Variants in CNTN4 observed in about 807,000 individuals in gnomAD.
The protein encoded by CNTN4 is contactin-4.
A neutral mutation model predicts 122.5 loss-of-function variants in CNTN4; 77 were observed. That is an observed-to-expected ratio of 0.63 (90% CI 0.52 to 0.76). The LOEUF is 0.76. Among genes scored for constraint, CNTN4 ranks in the 30% least tolerant of loss-of-function variants. The pLI, the probability that CNTN4 is intolerant of heterozygous loss-of-function variation, is 0.00. For synonymous variants in CNTN4, 512 were observed against 447.0 expected, an observed-to-expected ratio of 1.15 and a Z score of -1.83; for missense variants, 1,256 against 1,259.1, an observed-to-expected ratio of 1.00 and a Z score of 0.04.
At chr3:2,485,790 G>T (rs534382972) in intron 3 of CNTN4, among the ~76,000 whole-genome samples, 4 of 152,114 alleles carry the variant, frequency 2.6e-5, no homozygotes, top group Non-Finnish European at 5.9e-5. Flanking sequence ...GTGGGTACTT[G>T]GAGAACTTTT....
rs747326741 is a variant in CNTN4 at position 2,340,710 on chromosome 3, T to TAGAGAGAGAGAGAG, written c.-89+1494_-89+1507dup. 2.9e-3 allele frequency among the ~76,000 whole-genome samples: 53 copies of TAGAGAGAGAGAGAG among 18,258 alleles called. 1 individual carries two copies. The highest frequency in any genetic ancestry group is 5.1e-3 in the Non-Finnish European group (31 of 6,136). The allele number at this position is 18,258 out of a possible 152,430, so 12.0% of individuals were successfully genotyped here. On this transcript the variant is annotated intron_variant, in intron 3 of 24. Coordinates refer to ENST00000418658, the MANE Select transcript of CNTN4 (RefSeq NM_175607.3). ...TTATATATATATATATATATATATA[T>TAGAGAGAGAGAGAG]AGAGAGAGAGAGAGAGAGAGAGAGA... is the stretch of plus-strand genomic sequence containing the variant.
intron 3 of CNTN4, among the ~76,000 whole-genome samples, chr3:2,470,577 G>A (rs540880172): frequency 1.3e-5 from 2 of 151,990 alleles, no homozygotes; most frequent in South Asian, 4.2e-4. Context: ...TCTTAATATT[G>A]TGACCTTTTT....
chr3:2,537,212 A>C (rs910908528), intron 3 of CNTN4, among the ~76,000 whole-genome samples: 2 of 152,146 alleles, frequency 1.3e-5, no homozygotes, highest in East Asian at 3.9e-4. Flanking sequence ...ATGAAGTCAC[A>C]CAGACAGTTG....
intron 2 of CNTN4, among the ~76,000 whole-genome samples, chr3:2,191,998 T>G (rs919481996): frequency 1.3e-5 from 2 of 152,012 alleles, no homozygotes; most frequent in Non-Finnish European, 2.9e-5. Context: ...TTTGTCCTTG[T>G]GATGGTTTGC....
At chr3:2,447,130 CT>C (rs1385334934) in intron 3 of CNTN4, among the ~76,000 whole-genome samples, 1 of 152,000 alleles carries the variant, frequency 6.6e-6, no homozygotes, top group Admixed American at 6.6e-5. Context: ...TTCTTTTTTT[CT>C]CCCAGTCAAC....
chr3:2,644,737 G>A (rs1311050990), intron 4 of CNTN4, among the ~76,000 whole-genome samples: 1 of 147,004 alleles, frequency 6.8e-6, no homozygotes, highest in Non-Finnish European at 1.5e-5. Context: ...CTGAAAATGG[G>A]CGCAGGCTTT....
At chr3:2,380,142 A>C (rs775874562) in intron 3 of CNTN4, among the ~76,000 whole-genome samples, 10 of 151,700 alleles carry the variant, frequency 6.6e-5, no homozygotes, top group Non-Finnish European at 1.0e-4. Context: ...AATAACTTTG[A>C]TCATCTGAAA....
intron 4 of CNTN4, chr3:2,735,913 A>G (rs781472938): frequency 1.3e-5 from 7 of 521,698 alleles, no homozygotes; most frequent in Non-Finnish European, 2.6e-5. Context: ...GGGGTAGGCT[A>G]AAGACAAGCA....
chr3:2,690,746 G>A (rs76200655), intron 4 of CNTN4, among the ~76,000 whole-genome samples: 2,552 of 152,158 alleles, frequency 0.017, 86 homozygotes, highest in African/African-American at 0.059. Context: ...AAAATCAAAA[G>A]GAGAATATTA....
rs565027244 is a variant in CNTN4 at position 2,755,964 on chromosome 3, T to C, written c.358+10267T>C. ...CAGTCAACAAATATTAAAATAATTC[T>C]GATCATTTTTAAGTTTAATTTTTAG... On this transcript the variant is annotated intron_variant, in intron 6 of 24. Coordinates refer to ENST00000418658, the MANE Select transcript of CNTN4 (RefSeq NM_175607.3). Among the ~76,000 whole-genome samples the C allele has an allele frequency of 5.9e-5, 9 of 152,360 alleles. No homozygotes were observed. In the South Asian group the frequency reaches 1.7e-3, roughly 28 times the overall value.
chr3:2,451,667 T>C (rs6762278), intron 3 of CNTN4, among the ~76,000 whole-genome samples: 37,407 of 152,080 alleles, frequency 0.25, 5,562 homozygotes, highest in Non-Finnish European at 0.35. Flanking sequence ...ATCATTTTCA[T>C]GCAACATATT....
intron 3 of CNTN4, among the ~76,000 whole-genome samples, chr3:2,570,718 G>A (rs2079385733): frequency 6.6e-6 from 1 of 152,004 alleles, no homozygotes; most frequent in Admixed American, 6.6e-5. Flanking sequence ...TGTAGCTTTT[G>A]GTAAAGGTAA....
At chr3:2,980,983 G>A (rs1266465080) in intron 13 of CNTN4, among the ~76,000 whole-genome samples, 1 of 152,124 alleles carries the variant, frequency 6.6e-6, no homozygotes, top group Admixed American at 6.5e-5. Flanking sequence ...AGGGACGATG[G>A]AGCCACTATT....
At position 3,026,285 on chromosome 3, in the gene CNTN4, T is replaced by G; in HGVS notation, c.1662+8T>G. ...TTTGAAAGAGTTGGAGGGGTAAGTATTAATAGCAAAAACTGACTCAAACTA... is the reference window on the plus strand; with the variant it reads ...TTTGAAAGAGTTGGAGGGGTAAGTAGTAATAGCAAAAACTGACTCAAACTA... On this transcript the variant is annotated splice_region_variant and intron_variant, in intron 15 of 24. Transcript: ENST00000418658. 2 of 1,612,090 alleles carry G rather than the reference T, an allele frequency of 1.2e-6. No homozygotes were observed. The highest frequency in any genetic ancestry group is 1.7e-6 in the Non-Finnish European group (2 of 1,178,350).
chr3:2,952,060 C>A (rs2124859298), intron 13 of CNTN4, among the ~76,000 whole-genome samples: 1 of 152,336 alleles, frequency 6.6e-6, no homozygotes. Context: ...TACCCCTGGC[C>A]TGAGGCCCCA....
chr3:3,045,970 A>G (rs923909851), intron 23 of CNTN4, among the ~76,000 whole-genome samples: 3 of 152,236 alleles, frequency 2.0e-5, no homozygotes, highest in Non-Finnish European at 4.4e-5. Flanking sequence ...CACGAGAACT[A>G]CATGACGAAG....
chr3:3,024,251 G>A (rs7633830), intron 14 of CNTN4, among the ~76,000 whole-genome samples: 14,742 of 151,740 alleles, frequency 0.097, 744 homozygotes, highest in African/African-American at 0.14. Flanking sequence ...TTTTAGCCTG[G>A]GATCTGTTTC....
intron 3 of CNTN4, among the ~76,000 whole-genome samples, chr3:2,359,096 T>C (rs1575454869): frequency 1.3e-5 from 2 of 152,174 alleles, no homozygotes; most frequent in East Asian, 3.9e-4. Context: ...CCAAATGAAG[T>C]ATTGTAAATA....
intron 4 of CNTN4, among the ~76,000 whole-genome samples, chr3:2,734,785 C>G (rs2149482452): frequency 6.6e-6 from 1 of 152,014 alleles, no homozygotes; most frequent in Middle Eastern, 3.4e-3. Flanking sequence ...CTCATCCTAT[C>G]ACCTATCAAC....
Sources: allele counts gnomAD v4.1 joint callset (sites outside exome capture counted in the v4.1 genomes callset), GRCh38; gene constraint gnomAD v4.1.1; transcripts MANE v1.5; gene names NCBI Gene and HGNC (gene_info 2026-07-23, HGNC 2026-07-21).